SNX29: variants seen among roughly 807,000 people sequenced by gnomAD.
SNX29 encodes the protein sorting nexin 29.
SNX29 carries 78 observed loss-of-function variants against 102.1 expected under a neutral mutation model. The observed-to-expected ratio is 0.76, with a 90% CI of 0.64 to 0.92. The LOEUF (loss-of-function observed/expected upper bound fraction) is 0.92, where lower values mean the gene tolerates loss of function less well. Ranked by LOEUF, SNX29 falls within the 40% of genes least tolerant of loss-of-function variation. The probability of loss-of-function intolerance (pLI) is 0.00; values close to 1 mark genes in which losing one functional copy is unlikely to be tolerated. For missense variants in SNX29, 1,280 were observed against 1,061.7 expected, an observed-to-expected ratio of 1.21 and a Z score of -2.86; for synonymous variants, 580 against 414.5, an observed-to-expected ratio of 1.40 and a Z score of -4.85.
In SNX29 at chr16:12,570,501, G is replaced by C. The variant is rs967716484; in HGVS notation, c.*1872G>C. 6 of 233,008 alleles carry C rather than the reference G, an allele frequency of 2.6e-5. No homozygotes were observed. The highest frequency in any genetic ancestry group is 1.3e-4 in the African/African-American group (6 of 45,300). 14.4% of individuals were successfully genotyped at this position (233,008 alleles called of 1,614,324 possible). A position where few individuals can be genotyped will look rare whatever the true frequency, so the allele number is the denominator to read the frequency against. On this transcript the variant is annotated 3_prime_UTR_variant, in exon 21 of 21. Coordinates refer to ENST00000566228, the MANE Select transcript of SNX29 (RefSeq NM_032167.5). ...TCTGCTGTATGTCATGACCCCTTAG[G>C]TTGGGTTTATGCCACATCGGTCATT...
chr16:12,004,801 A>C (rs1256543110), intron 3 of SNX29, among the ~76,000 whole-genome samples: 2 of 152,304 alleles, frequency 1.3e-5, no homozygotes, highest in African/African-American at 4.8e-5. Context: ...GATGCACCCT[A>C]TTATCCATTC....
intron 11 of SNX29, among the ~76,000 whole-genome samples, chr16:12,105,227 CCCTT>C (rs35638104): frequency 1.6e-3 from 168 of 105,722 alleles, no homozygotes; most frequent in Middle Eastern, 0.014. Flanking sequence ...CTCCCTCCCT[CCCTT>C]CCTTCCTTCC....
intron 14 of SNX29, among the ~76,000 whole-genome samples, chr16:12,203,752 A>G (rs1417334450): frequency 6.6e-6 from 1 of 152,178 alleles, no homozygotes; most frequent in Non-Finnish European, 1.5e-5. Context: ...TCCCAGGAGC[A>G]TTTGCCTGAC....
At chr16:11,994,936 T>C (rs2056001128) in intron 1 of SNX29, among the ~76,000 whole-genome samples, 1 of 152,148 alleles carries the variant, frequency 6.6e-6, no homozygotes, top group Non-Finnish European at 1.5e-5. Context: ...GTCACATGGC[T>C]AGCAAGCAGG....
chr16:12,261,582 C>A (rs1318280544), intron 14 of SNX29, among the ~76,000 whole-genome samples: 2 of 138,302 alleles, frequency 1.4e-5, no homozygotes, highest in South Asian at 2.4e-4. Flanking sequence ...GTGTGTGCAT[C>A]CCTGGCTGGA....
intron 16 of SNX29, among the ~76,000 whole-genome samples, chr16:12,386,078 T>C (rs1456343599): frequency 6.6e-6 from 1 of 152,246 alleles, no homozygotes; most frequent in African/African-American, 2.4e-5. Flanking sequence ...TTAGACTGGC[T>C]GCACACGGAG....
In SNX29 at chr16:12,574,000, C is replaced by T. The variant is rs994132542; in HGVS notation, c.*5371C>T. 1.6e-4 allele frequency: 32 copies of T among 197,922 alleles called. No homozygotes were observed. Among genetic ancestry groups the T allele is most frequent in the Admixed American group, 1.2e-3 (19 of 16,506 alleles). The allele number at this position is 197,922 out of a possible 1,614,324, so 12.3% of individuals were successfully genotyped here. ...GCGCCCATGATCGGCTCCCAGTGCA[C>T]CCCCTTAAGGGTAAGCAGGCCACAT... On this transcript the variant is annotated 3_prime_UTR_variant, in exon 21 of 21. Transcript: ENST00000566228.
chr16:12,167,808 C>T (rs906938519), intron 13 of SNX29, among the ~76,000 whole-genome samples: 2 of 152,170 alleles, frequency 1.3e-5, no homozygotes, highest in African/African-American at 4.8e-5. Context: ...CAAACTGTCA[C>T]CTGCAGGGCC....
chr16:12,504,184 CATA>C (rs1298183589), intron 19 of SNX29, among the ~76,000 whole-genome samples: 1 of 152,136 alleles, frequency 6.6e-6, no homozygotes, highest in African/African-American at 2.4e-5. Context: ...GGCTTCTTAG[CATA>C]ATATTTTCAA....
Position 12,572,937 on chromosome 16 carries a change from G to C in SNX29, c.*4308G>C, listed in dbSNP as rs188129941. The stretch of plus-strand genomic sequence containing the variant: ...GACTTGGAGTGTTTCTTCAAGGCAG[G>C]CATCTGCTTATGAGCAAGGTCAAAG... On this transcript the variant is annotated 3_prime_UTR_variant, in exon 21 of 21. Transcript: ENST00000566228. 4.7e-4 allele frequency: 388 copies of C among 825,532 alleles called. 4 individuals carry two copies. Among genetic ancestry groups the C allele is most frequent in the Middle Eastern group, 4.6e-3 (9 of 1,938 alleles). 51.1% of individuals were successfully genotyped at this position (825,532 alleles called of 1,614,324 possible). A position where few individuals can be genotyped will look rare whatever the true frequency, so the allele number is the denominator to read the frequency against.
intron 18 of SNX29, among the ~76,000 whole-genome samples, chr16:12,404,866 G>T (rs2084099953): frequency 6.6e-6 from 1 of 152,140 alleles, no homozygotes; most frequent in East Asian, 1.9e-4. Flanking sequence ...GCTGTGCTTG[G>T]TCTCAGGTCT....
chr16:12,215,181 G>A (rs996428087), intron 14 of SNX29, among the ~76,000 whole-genome samples: 1 of 152,088 alleles, frequency 6.6e-6, no homozygotes, highest in Non-Finnish European at 1.5e-5. Context: ...CCATTTACAC[G>A]GGAGAACTGA....
intron 15 of SNX29, among the ~76,000 whole-genome samples, chr16:12,296,626 G>A (rs541516435): frequency 1.4e-4 from 21 of 152,232 alleles, no homozygotes; most frequent in African/African-American, 4.8e-4. Context: ...CAGGCAGGGG[G>A]CCTGCAGGTC....
At chr16:12,459,941 C>G (rs1005462324) in intron 18 of SNX29, among the ~76,000 whole-genome samples, 1 of 152,230 alleles carries the variant, frequency 6.6e-6, no homozygotes, top group African/African-American at 2.4e-5. Context: ...CGGCCTAGCT[C>G]ACAGAGTTCC....
chr16:11,979,010 T>C (rs1170500655), intron 1 of SNX29, among the ~76,000 whole-genome samples: 1 of 151,968 alleles, frequency 6.6e-6, no homozygotes, highest in African/African-American at 2.4e-5. Flanking sequence ...GTGTGATGGC[T>C]CACACCTGTA....
intron 15 of SNX29, among the ~76,000 whole-genome samples, chr16:12,319,973 C>G (rs2080876991): frequency 6.6e-6 from 1 of 152,126 alleles, no homozygotes; most frequent in African/African-American, 2.4e-5. Context: ...AATGCGGGTT[C>G]CAGGAAGCCT....
At chr16:12,539,084 G>C (rs1026196870) in intron 20 of SNX29, among the ~76,000 whole-genome samples, 4 of 152,322 alleles carry the variant, frequency 2.6e-5, no homozygotes, top group Non-Finnish European at 4.4e-5. Context: ...AAGTTTAATA[G>C]ATTGCCCAGA....
chr16:12,284,287 C>G (rs1315109397), intron 15 of SNX29, among the ~76,000 whole-genome samples: 2 of 152,276 alleles, frequency 1.3e-5, no homozygotes, highest in African/African-American at 2.4e-5. Context: ...GCCCCCTAAC[C>G]TCTCTAAGCC....
At chr16:12,129,533 G>A (rs954362379) in intron 12 of SNX29, 97 bp from the exon 13 acceptor site, 48 of 1,413,158 alleles carry the variant, frequency 3.4e-5, no homozygotes, top group Admixed American at 2.5e-4. Flanking sequence ...TGTGGAAAAC[G>A]CATGGCTTAG....
Sources: allele counts gnomAD v4.1 joint callset (sites outside exome capture counted in the v4.1 genomes callset), GRCh38; gene constraint gnomAD v4.1.1; transcripts MANE v1.5; gene names NCBI Gene and HGNC (gene_info 2026-07-23, HGNC 2026-07-21).